Variants in PDE4B observed in about 807,000 individuals in gnomAD.
PDE4B encodes phosphodiesterase 4B, also known as 3',5'-cyclic-AMP phosphodiesterase 4B.
PDE4B carries 20 observed loss-of-function variants against 82.2 expected under a neutral mutation model. The observed-to-expected ratio is 0.24, with a 90% confidence interval of 0.17 to 0.35. PDE4B has a LOEUF of 0.35. PDE4B is among the 10% of genes least tolerant of loss of function. The pLI is 1.00. For synonymous variants in PDE4B, 320 were observed against 318.9 expected (o/e 1.00, Z -0.04); for missense variants, 655 against 907.2 (o/e 0.72, Z 3.57).
intron 1 of PDE4B, among the ~76,000 whole-genome samples, chr1:65,814,212 A>C (rs1645853304): frequency 6.6e-6 from 1 of 152,032 alleles, no homozygotes; most frequent in Non-Finnish European, 1.5e-5. Context: ...GTGTGTCAGC[A>C]CTCTTCCTCT....
intron 3 of PDE4B, among the ~76,000 whole-genome samples, chr1:66,037,596 G>C (rs1190297642): frequency 6.6e-6 from 1 of 151,832 alleles, no homozygotes; most frequent in Non-Finnish European, 1.5e-5. Flanking sequence ...TTCCTATTTT[G>C]ATGCCTTTTA....
chr1:66,284,261 TATTTCCC>T (rs1021144113), intron 7 of PDE4B, among the ~76,000 whole-genome samples: 70 of 152,158 alleles, frequency 4.6e-4, no homozygotes, highest in Admixed American at 1.7e-3. Flanking sequence ...TAAAAATTAG[TATTTCCC>T]ATAGCTCGGT....
At chr1:66,049,957 C>G (rs929682107) in intron 3 of PDE4B, among the ~76,000 whole-genome samples, 1 of 151,986 alleles carries the variant, frequency 6.6e-6, no homozygotes, top group African/African-American at 2.4e-5. Flanking sequence ...GAAAACTCCA[C>G]ACAAATAAAT....
intron 1 of PDE4B, among the ~76,000 whole-genome samples, chr1:65,859,149 A>G (rs528607391): frequency 1.3e-5 from 2 of 152,180 alleles, no homozygotes; most frequent in Admixed American, 1.3e-4. Context: ...ATCTTTGAGA[A>G]CTTATTTTTG....
chr1:66,139,926 T>A (rs531659584), intron 3 of PDE4B, among the ~76,000 whole-genome samples: 3 of 152,158 alleles, frequency 2.0e-5, no homozygotes, highest in African/African-American at 7.2e-5. Flanking sequence ...TTTACCTATA[T>A]GAGGTACTTA....
rs567089520 is a variant in PDE4B at position 66,000,357 on chromosome 1, C to A, written c.281+81522C>A. 2.6e-5 allele frequency among the ~76,000 whole-genome samples: 4 copies of A among 152,278 alleles called. No individual in the cohort carries two copies. The South Asian group carries it at 6.2e-4, about 24-fold the overall frequency. On this transcript the variant is annotated intron_variant, in intron 3 of 16. Coordinates refer to ENST00000341517, the MANE Select transcript of PDE4B (RefSeq NM_002600.4). ...GCAACATTTACAATATTAACTCTAGCAGCAGCTACAGCAATTTGAGCTTTT... is the reference window on the plus strand; with the variant it reads ...GCAACATTTACAATATTAACTCTAGAAGCAGCTACAGCAATTTGAGCTTTT...
chr1:65,939,823 G>T (rs754845469), intron 3 of PDE4B, among the ~76,000 whole-genome samples: 22 of 152,248 alleles, frequency 1.4e-4, no homozygotes, highest in Non-Finnish European at 2.2e-4. Context: ...ACTTACGCAA[G>T]GCACTTACAC....
At chr1:66,161,677 C>A (rs964271321) in intron 3 of PDE4B, among the ~76,000 whole-genome samples, 9 of 152,066 alleles carry the variant, frequency 5.9e-5, no homozygotes, top group African/African-American at 2.2e-4. Flanking sequence ...TTATTATTTG[C>A]ATTTAAAGAT....
intron 1 of PDE4B, among the ~76,000 whole-genome samples, chr1:65,822,715 C>CAGCATTTGACCCTTCTGGAGGACAT (rs1645967250): frequency 6.6e-6 from 1 of 152,092 alleles, no homozygotes; most frequent in Admixed American, 6.5e-5. Context: ...CATGAGGACA[C>CAGCATTTGACCCTTCTGGAGGACAT]AGCATTTGAC....
intron 3 of PDE4B, among the ~76,000 whole-genome samples, chr1:66,050,897 G>C (rs1331702765): frequency 6.6e-6 from 1 of 152,062 alleles, no homozygotes; most frequent in Non-Finnish European, 1.5e-5. Flanking sequence ...GGGAGGAAGA[G>C]GTGCCATGAA....
Position 65,827,065 on chromosome 1 carries a change from ACTGCGTGT to A in PDE4B, c.-71+33818_-71+33825del, listed in dbSNP as rs754233707. On this transcript the variant is annotated intron_variant, in intron 1 of 16. Transcript: ENST00000341517. Reference sequence around the variant, plus strand: ...TAGAGAAATTTGAATTCTGAAATTCACTGCGTGTAATCATAGCAACTGCAAACATCAAA... The same window carrying A: ...TAGAGAAATTTGAATTCTGAAATTCAAATCATAGCAACTGCAAACATCAAA... Among the ~76,000 whole-genome samples, 581 of 152,342 alleles carry A rather than the reference ACTGCGTGT, an allele frequency of 3.8e-3. 8 individuals are homozygous for A. The highest frequency in any genetic ancestry group is 0.012 in the East Asian group (63 of 5,184).
At chr1:66,134,061 T>C (rs1646006174) in intron 3 of PDE4B, among the ~76,000 whole-genome samples, 1 of 150,670 alleles carries the variant, frequency 6.6e-6, no homozygotes, top group Admixed American at 6.6e-5. Context: ...AAAAAAAGAC[T>C]TCTAAGGCTG....
chr1:66,171,769 A>G (rs1646840819), intron 3 of PDE4B, among the ~76,000 whole-genome samples: 1 of 152,172 alleles, frequency 6.6e-6, no homozygotes, highest in African/African-American at 2.4e-5. Flanking sequence ...GTGATGTAAT[A>G]TGAAGCACCC....
rs562241568 is a variant in PDE4B, at chr1:65,881,105, T to G, written c.-70-32140T>G. Among the ~76,000 whole-genome samples, 3 of 152,346 alleles carry G rather than the reference T, an allele frequency of 2.0e-5. No homozygotes were observed. In the South Asian group the frequency reaches 6.2e-4, roughly 32 times the overall value. ...CATTCCTTGTCAGTTTCCATAACCC[T>G]GCCTGTACCTCTATAAAATGTCCCT... On this transcript the variant is annotated intron_variant, in intron 1 of 16. Transcript: ENST00000341517.
chr1:66,137,024 G>C (rs1646072582), intron 3 of PDE4B, among the ~76,000 whole-genome samples: 1 of 152,164 alleles, frequency 6.6e-6, no homozygotes, highest in Non-Finnish European at 1.5e-5. Context: ...TCCAGTTAGA[G>C]AAAGGGAAAT....
At chr1:65,878,873 A>C (rs769891064) in intron 1 of PDE4B, among the ~76,000 whole-genome samples, 1 of 152,200 alleles carries the variant, frequency 6.6e-6, no homozygotes, top group Non-Finnish European at 1.5e-5. Flanking sequence ...TGTTAAGCAC[A>C]TGTATCCCCA....
chr1:66,321,346 T>C (rs899172674), intron 7 of PDE4B, among the ~76,000 whole-genome samples: 6 of 152,188 alleles, frequency 3.9e-5, no homozygotes, highest in Non-Finnish European at 7.4e-5. Flanking sequence ...AACTTATGAA[T>C]GTTTCAAATC....
rs538925626 is a variant in PDE4B, at chr1:65,949,992, A to G, written c.281+31157A>G. On this transcript the variant is annotated intron_variant, in intron 3 of 16. Coordinates refer to ENST00000341517, the MANE Select transcript of PDE4B (RefSeq NM_002600.4). ...AGCTTTCTCTGATGCACTGCTAACA[A>G]TTAATTTTGTTTTCTCTTGTTCTTC... Among the ~76,000 whole-genome samples, 115 of 152,132 alleles carry G rather than the reference A, an allele frequency of 7.6e-4. 3 individuals carry two copies. In the South Asian group the frequency reaches 0.023, roughly 31 times the overall value.
intron 3 of PDE4B, among the ~76,000 whole-genome samples, chr1:66,048,602 A>G (rs1304142905): frequency 6.6e-6 from 1 of 151,984 alleles, no homozygotes; most frequent in Non-Finnish European, 1.5e-5. Flanking sequence ...GTAATTGTCT[A>G]ATCTAGCTCC....
Sources: allele counts gnomAD v4.1 joint callset (sites outside exome capture counted in the v4.1 genomes callset), GRCh38; gene constraint gnomAD v4.1.1; transcripts MANE v1.5; gene names NCBI Gene and HGNC (gene_info 2026-07-23, HGNC 2026-07-21).